The following CDH12 variants were observed in gnomAD, a reference collection of about 807,000 sequenced individuals.
CDH12 encodes cadherin-12.
CDH12 carries 41 observed loss-of-function variants against 74.1 expected under a neutral mutation model. The ratio of observed to expected loss-of-function variants is 0.55; its 90% CI spans 0.43 to 0.72. The LOEUF (loss-of-function observed/expected upper bound fraction) is 0.72, where lower values mean the gene tolerates loss of function less well. Ranked by LOEUF, CDH12 falls within the 30% of genes least tolerant of loss-of-function variation. The probability of loss-of-function intolerance (pLI) is 0.00; values close to 1 mark genes in which losing one functional copy is unlikely to be tolerated. For synonymous variants in CDH12, 399 were observed against 355.0 expected (o/e 1.12, Z -1.39); for missense variants, 945 against 977.2 (o/e 0.97, Z 0.44).
At chr5:22,005,294 C>T (rs1379124602) in intron 5 of CDH12, among the ~76,000 whole-genome samples, 3 of 152,106 alleles carry the variant, frequency 2.0e-5, no homozygotes, top group African/African-American at 4.8e-5. Context: ...CCGCCCACCT[C>T]GGCCTCCCAA....
At chr5:22,048,137 C>G (rs969116382) in intron 5 of CDH12, among the ~76,000 whole-genome samples, 1 of 152,138 alleles carries the variant, frequency 6.6e-6, no homozygotes, top group Non-Finnish European at 1.5e-5. Context: ...AGGAGTTAAC[C>G]TGGATCTGGC....
chr5:22,169,441 T>C (rs975523159), intron 4 of CDH12, among the ~76,000 whole-genome samples: 12 of 151,968 alleles, frequency 7.9e-5, no homozygotes, highest in Non-Finnish European at 1.6e-4. Flanking sequence ...ATAGTGCCTT[T>C]TCAGTCAAAC....
intron 1 of CDH12, among the ~76,000 whole-genome samples, chr5:22,656,253 T>A (rs1740028943): frequency 6.6e-6 from 1 of 152,198 alleles, no homozygotes; most frequent in Non-Finnish European, 1.5e-5. Flanking sequence ...GCTAAGATTC[T>A]GGATTTTATA....
intron 5 of CDH12, among the ~76,000 whole-genome samples, chr5:22,021,168 T>A (rs947518377): frequency 6.6e-6 from 1 of 152,192 alleles, no homozygotes; most frequent in South Asian, 2.1e-4. Context: ...AACTATAGCC[T>A]GAAGGTCATT....
intron 5 of CDH12, among the ~76,000 whole-genome samples, chr5:22,076,520 C>G (rs1742324220): frequency 6.6e-6 from 1 of 152,070 alleles, no homozygotes; most frequent in Non-Finnish European, 1.5e-5. Flanking sequence ...CTGTCATAAA[C>G]AGAGTTGAAA....
At chr5:22,331,164 T>G (rs1200659797) in intron 3 of CDH12, among the ~76,000 whole-genome samples, 6 of 152,194 alleles carry the variant, frequency 3.9e-5, no homozygotes. Context: ...AATTGCTAAG[T>G]TGCTTTCTTT....
rs538574789 is a variant in CDH12 at position 22,830,234 on chromosome 5, CAATT to C, written c.-523+22820_-523+22823del. On this transcript the variant is annotated intron_variant, in intron 1 of 14. Transcript: ENST00000382254. ...CATCTATTCTAAAGATGGGATTAGA[CAATT>C]AAATTGTTTAAGAAAAGTTTTGTTT... Among the ~76,000 whole-genome samples the C allele has an allele frequency of 2.0e-4, 31 of 151,948 alleles. No individual in the cohort carries two copies. The East Asian group carries it at 5.6e-3, about 28-fold the overall frequency.
intron 5 of CDH12, among the ~76,000 whole-genome samples, chr5:21,991,152 C>T (rs1757731964): frequency 6.6e-6 from 1 of 151,764 alleles, no homozygotes; most frequent in South Asian, 2.1e-4. Flanking sequence ...GTACTAGGTA[C>T]TAGAAAACAC....
At chr5:22,388,937 A>G (rs1417063008) in intron 3 of CDH12, among the ~76,000 whole-genome samples, 1 of 152,210 alleles carries the variant, frequency 6.6e-6, no homozygotes, top group African/African-American at 2.4e-5. Flanking sequence ...AAAGTGCCAC[A>G]GCTGGAGTTT....
At chr5:22,462,463 A>T (rs1745560532) in intron 2 of CDH12, among the ~76,000 whole-genome samples, 1 of 152,194 alleles carries the variant, frequency 6.6e-6, no homozygotes, top group Admixed American at 6.5e-5. Flanking sequence ...TTTTTGAAAC[A>T]GCAACTAAAA....
At position 22,466,776 on chromosome 5, in the gene CDH12, C is replaced by CTTTTTTTTTTTTTTTTTT. The variant is rs70959733; in HGVS notation, c.-428+38476_-428+38493dup. Reference sequence around the variant, plus strand: ...AAATGAGGCATGGCTCCTCAGGAATCTTTTTTTTTTTTTTTTTTTTTTTTT... The same window carrying CTTTTTTTTTTTTTTTTTT: ...AAATGAGGCATGGCTCCTCAGGAATCTTTTTTTTTTTTTTTTTTTTTTTTTTTTTTTTTTTTTTTTTTT... On this transcript the variant is annotated intron_variant, in intron 2 of 14. Transcript: ENST00000382254. Among the ~76,000 whole-genome samples the CTTTTTTTTTTTTTTTTTT allele has an allele frequency of 5.9e-5, 3 of 50,994 alleles. 1 individual carries two copies. The highest frequency in any genetic ancestry group is 9.9e-5 in the Non-Finnish European group (3 of 30,202). The allele number at this position is 50,994 out of a possible 152,430, so 33.5% of individuals were successfully genotyped here.
At chr5:22,104,018 A>C (rs2150252670) in intron 4 of CDH12, among the ~76,000 whole-genome samples, 1 of 152,294 alleles carries the variant, frequency 6.6e-6, no homozygotes, top group South Asian at 2.1e-4. Context: ...ACTGAAATTA[A>C]ACAAAGCAAC....
intron 4 of CDH12, among the ~76,000 whole-genome samples, chr5:22,141,739 C>T (rs954337612): frequency 1.5e-4 from 23 of 151,898 alleles, no homozygotes; most frequent in African/African-American, 4.6e-4. Flanking sequence ...GAGAATTTAG[C>T]GATTCACTGA....
At chr5:22,452,313 T>C (rs1247621721) in intron 2 of CDH12, among the ~76,000 whole-genome samples, 2 of 151,960 alleles carry the variant, frequency 1.3e-5, no homozygotes, top group African/African-American at 4.8e-5. Flanking sequence ...CTACCTGACT[T>C]CAAAATGTAC....
chr5:22,244,740 A>AAAGAAAG (rs1408985030), intron 3 of CDH12, among the ~76,000 whole-genome samples: 3 of 92,570 alleles, frequency 3.2e-5, no homozygotes, highest in East Asian at 3.5e-4. Flanking sequence ...AGAAAGAAAG[A>AAAGAAAG]AAAGAAAGAA....
rs1554007038 is a variant in CDH12 at position 22,831,357 on chromosome 5, G to GTGTGTGTGTGTC, written c.-523+21700_-523+21701insGACACACACACA. 2.2e-5 allele frequency among the ~76,000 whole-genome samples: 3 copies of GTGTGTGTGTGTC among 136,132 alleles called. No homozygotes were observed. The South Asian group carries it at 7.8e-4, about 35-fold the overall frequency. The allele number at this position is 136,132 out of a possible 152,430, so 89.3% of individuals were successfully genotyped here. A position where few individuals can be genotyped will look rare whatever the true frequency, so the allele number is the denominator to read the frequency against. ...AAGGTAGGGGTTTTGGAGTTTGTGT[G>GTGTGTGTGTGTC]TGTGTGTGTGTGTCTGTGTGTGTGT... On this transcript the variant is annotated intron_variant, in intron 1 of 14. Transcript: ENST00000382254.
chr5:22,541,187 G>A (rs936983997), intron 1 of CDH12, among the ~76,000 whole-genome samples: 1 of 152,202 alleles, frequency 6.6e-6, no homozygotes, highest in Non-Finnish European at 1.5e-5. Context: ...CCTGCCATGA[G>A]CAGACAATGG....
intron 3 of CDH12, among the ~76,000 whole-genome samples, chr5:22,242,060 TAA>T (rs1379010372): frequency 6.6e-6 from 1 of 152,110 alleles, no homozygotes; most frequent in Non-Finnish European, 1.5e-5. Context: ...TAATAATCTA[TAA>T]AAGTAACAAC....
rs1218633219 is a variant in CDH12 at position 21,889,637 on chromosome 5, C to G, written c.527-34847G>C. The G allele has an allele frequency of 7.1e-6, 7 of 985,206 alleles. No individual in the cohort carries two copies. The East Asian group carries it at 6.8e-4, about 96-fold the overall frequency. 61.0% of individuals were successfully genotyped at this position (985,206 alleles called of 1,614,324 possible). On this transcript the variant is annotated intron_variant, in intron 6 of 14. Coordinates refer to ENST00000382254, the MANE Select transcript of CDH12 (RefSeq NM_004061.5). Reference sequence around the variant, plus strand: ...TCGCATGTGTGTGGCTTTGATAACACAGCTTTCCATGCCATCAGTATCCTG... The same window carrying G: ...TCGCATGTGTGTGGCTTTGATAACAGAGCTTTCCATGCCATCAGTATCCTG...
Sources: allele counts gnomAD v4.1 joint callset (sites outside exome capture counted in the v4.1 genomes callset), GRCh38; gene constraint gnomAD v4.1.1; transcripts MANE v1.5; gene names NCBI Gene and HGNC (gene_info 2026-07-23, HGNC 2026-07-21).